Variants in KCTD20 observed in about 807,000 individuals in gnomAD.
The protein encoded by KCTD20 is BTB/POZ domain-containing protein KCTD20.
A neutral mutation model predicts 39.6 loss-of-function variants in KCTD20; 30 were observed. That is an observed-to-expected ratio of 0.76 (90% CI 0.57 to 1.03). The LOEUF is 1.03. KCTD20 is among the 50% of genes least tolerant of loss of function. The pLI is 0.00. For synonymous variants in KCTD20, 162 were observed against 180.6 expected (o/e 0.90, Z 0.83); for missense variants, 422 against 522.0 (o/e 0.81, Z 1.87).
rs1472490943 is a variant in KCTD20 at position 36,469,869 on chromosome 6, G to A, written c.-46-183G>A. Among the ~76,000 whole-genome samples, 1 of 152,134 alleles carries A rather than the reference G, an allele frequency of 6.6e-6. No individual in the cohort carries two copies. Among genetic ancestry groups the A allele is most frequent in the Non-Finnish European group, 1.5e-5 (1 of 68,024 alleles). On this transcript the variant is annotated intron_variant, in intron 1 of 7. Coordinates refer to ENST00000373731, the MANE Select transcript of KCTD20 (RefSeq NM_173562.5). The surrounding 1 kb of genome is among the most constrained non-coding windows in gnomAD (Gnocchi z 4.6). Reference sequence around the variant, plus strand: ...AGTTTATCTGCATTCTTAGTAATTTGATAAAGACCATTTAAATCAGCCTGA... The same window carrying A: ...AGTTTATCTGCATTCTTAGTAATTTAATAAAGACCATTTAAATCAGCCTGA...
chr6:36,456,180 G>A (rs7743624), intron 1 of KCTD20, among the ~76,000 whole-genome samples: 1,980 of 152,270 alleles, frequency 0.013, 41 homozygotes, highest in African/African-American at 0.045. Context: ...TCTGAGGCCA[G>A]GTACAGTAGC....
At chr6:36,477,593 C>T (rs1010397958) in intron 3 of KCTD20, among the ~76,000 whole-genome samples, 4 of 150,816 alleles carry the variant, frequency 2.7e-5, no homozygotes, top group South Asian at 2.1e-4. Context: ...CATTCTCCTG[C>T]CTCAGCCTCC....
Position 36,469,820 on chromosome 6 carries a change from G to GTCT in KCTD20, c.-46-232_-46-231insTCT, listed in dbSNP as rs1775860004. 3.3e-5 allele frequency among the ~76,000 whole-genome samples: 5 copies of GTCT among 152,214 alleles called. No individual in the cohort carries two copies. The South Asian group carries it at 6.2e-4, about 19-fold the overall frequency. On this transcript the variant is annotated intron_variant, in intron 1 of 7. Transcript: ENST00000373731. This position sits in a 1 kb window ranked among gnomAD's most constrained non-coding sequence, Gnocchi z 4.6. ...GTCAGTGAATTTGATGTCTGTTCAT[G>GTCT]GATAAAATTATTCCCTGGTAACAAG...
At chr6:36,468,726 T>C (rs925614129) in intron 1 of KCTD20, among the ~76,000 whole-genome samples, 1 of 152,230 alleles carries the variant, frequency 6.6e-6, no homozygotes, top group African/African-American at 2.4e-5. Context: ...GAAAGGATAA[T>C]TGTGAAAAAA....
chr6:36,478,499 C>T (rs1776140644), intron 3 of KCTD20, among the ~76,000 whole-genome samples: 1 of 152,166 alleles, frequency 6.6e-6, no homozygotes, highest in Admixed American at 6.5e-5. Flanking sequence ...CCCTCCTTTT[C>T]TACTTGATCT....
intron 1 of KCTD20, among the ~76,000 whole-genome samples, chr6:36,466,298 G>T (rs1775750814): frequency 6.6e-6 from 1 of 151,666 alleles, no homozygotes; most frequent in Non-Finnish European, 1.5e-5. Context: ...CCTAACCTCA[G>T]GTGATCCGCC....
At chr6:36,452,921 A>G (rs1206908986) in intron 1 of KCTD20, among the ~76,000 whole-genome samples, 1 of 149,790 alleles carries the variant, frequency 6.7e-6, no homozygotes, top group African/African-American at 2.4e-5. Context: ...TGAGTGGTTT[A>G]GTATATTCAA....
chr6:36,482,388 C>T (rs1776277197), intron 6 of KCTD20, among the ~76,000 whole-genome samples: 1 of 151,266 alleles, frequency 6.6e-6, no homozygotes, highest in Non-Finnish European at 1.5e-5. Flanking sequence ...CCCATCTCTA[C>T]TAAAAATACA....
intron 5 of KCTD20, 35 bp from the exon 6 acceptor site, chr6:36,481,527 C>T (rs1197742779): frequency 6.7e-7 from 1 of 1,501,938 alleles, no homozygotes; most frequent in Non-Finnish European, 9.3e-7. Context: ...TGCATTTAGG[C>T]AGAAAGCATG....
chr6:36,479,983 G>A (rs1426879179), intron 5 of KCTD20, among the ~76,000 whole-genome samples: 1 of 151,870 alleles, frequency 6.6e-6, no homozygotes, highest in Non-Finnish European at 1.5e-5. Context: ...AGTAGAGATA[G>A]GGTTTTGCCA....
intron 7 of KCTD20, 77 bp downstream of exon 7, chr6:36,484,901 T>C: frequency 2.6e-6 from 2 of 763,152 alleles, no homozygotes; most frequent in Admixed American, 2.3e-5. Context: ...AAATTTAGCC[T>C]CCAGAGGCCT....
chr6:36,453,081 C>T (rs559099586), intron 1 of KCTD20, among the ~76,000 whole-genome samples: 23 of 142,932 alleles, frequency 1.6e-4, no homozygotes, highest in African/African-American at 5.7e-4. Context: ...GATCTTGGCT[C>T]ACGGCAACCT....
intron 1 of KCTD20, among the ~76,000 whole-genome samples, chr6:36,462,750 A>G (rs982521128): frequency 1.3e-5 from 2 of 152,242 alleles, no homozygotes; most frequent in African/African-American, 4.8e-5. Context: ...ACTGTGTCTT[A>G]GGTAATACCC....
chr6:36,448,905 C>G (rs930123686), intron 1 of KCTD20, among the ~76,000 whole-genome samples: 10 of 151,918 alleles, frequency 6.6e-5, no homozygotes, highest in African/African-American at 2.4e-4. Flanking sequence ...AGCCGCAGAC[C>G]TTCTCAGTGA....
intron 3 of KCTD20, among the ~76,000 whole-genome samples, chr6:36,477,573 CGGG>C (rs1476513761): frequency 6.6e-6 from 1 of 150,594 alleles, no homozygotes; most frequent in Non-Finnish European, 1.5e-5. Context: ...CTCTGCCTCC[CGGG>C]TTCAGCCATT....
At chr6:36,457,219 A>G (rs1354726267) in intron 1 of KCTD20, among the ~76,000 whole-genome samples, 1 of 152,194 alleles carries the variant, frequency 6.6e-6, no homozygotes, top group Non-Finnish European at 1.5e-5. Flanking sequence ...CATGTGAGCC[A>G]TTGTGGGCTG....
intron 1 of KCTD20, among the ~76,000 whole-genome samples, chr6:36,448,107 C>G (rs1775115678): frequency 6.7e-6 from 1 of 149,764 alleles, no homozygotes; most frequent in Non-Finnish European, 1.5e-5. Flanking sequence ...AAAACAGGAA[C>G]ATTACTAAAA....
chr6:36,482,672 G>A (rs971917229), intron 6 of KCTD20, among the ~76,000 whole-genome samples: 6 of 152,002 alleles, frequency 3.9e-5, no homozygotes, highest in Admixed American at 6.6e-5. Context: ...TTGGCCAGGC[G>A]CAGTGGCTCA....
chr6:36,456,578 C>CTT lies in KCTD20; in HGVS notation c.-46-13450_-46-13449dup, dbSNP rs58002986. Reference sequence around the variant, plus strand: ...ACAGGCCTGAGCCACCACGCCCAGGCTTTTTTTTTTTTTTTTTTTTTTTTT... The same window carrying CTT: ...ACAGGCCTGAGCCACCACGCCCAGGCTTTTTTTTTTTTTTTTTTTTTTTTTTT... On this transcript the variant is annotated intron_variant, in intron 1 of 7. Coordinates refer to ENST00000373731, the MANE Select transcript of KCTD20 (RefSeq NM_173562.5). Among the ~76,000 whole-genome samples, 159 of 106,952 alleles carry CTT rather than the reference C, an allele frequency of 1.5e-3. 1 individual carries two copies. Among genetic ancestry groups the CTT allele is most frequent in the East Asian group, 2.6e-3 (9 of 3,478 alleles). The allele number at this position is 106,952 out of a possible 152,430, so 70.2% of individuals were successfully genotyped here. A position where few individuals can be genotyped will look rare whatever the true frequency, so the allele number is the denominator to read the frequency against.
Sources: allele counts gnomAD v4.1 joint callset (sites outside exome capture counted in the v4.1 genomes callset), GRCh38; gene constraint gnomAD v4.1.1; non-coding constraint Gnocchi (gnomAD v3.1); transcripts MANE v1.5; gene names NCBI Gene and HGNC (gene_info 2026-07-23, HGNC 2026-07-21).